Variants in CAMK4 observed in about 807,000 individuals in gnomAD.
CAMK4 encodes calcium/calmodulin dependent protein kinase IV, also known as calcium/calmodulin-dependent protein kinase type IV.
CAMK4 carries 22 observed loss-of-function variants against 44.9 expected under a neutral mutation model. The ratio of observed to expected loss-of-function variants is 0.49; its 90% confidence interval spans 0.35 to 0.70. The LOEUF is 0.70. Ranked by LOEUF, CAMK4 falls within the 30% of genes least tolerant of loss-of-function variation. The probability of loss-of-function intolerance (pLI) is 0.01; values close to 1 mark genes in which losing one functional copy is unlikely to be tolerated. For synonymous variants in CAMK4, 218 were observed against 215.4 expected, an observed-to-expected ratio of 1.01 and a Z score of -0.11; for missense variants, 498 against 586.8, an observed-to-expected ratio of 0.85 and a Z score of 1.56.
intron 1 of CAMK4, among the ~76,000 whole-genome samples, chr5:111,297,927 G>A (rs560722383): frequency 7.9e-5 from 12 of 152,262 alleles, no homozygotes; most frequent in Middle Eastern, 3.4e-3. Context: ...CAGGATTTGC[G>A]TATTTTAACA....
intron 1 of CAMK4, among the ~76,000 whole-genome samples, chr5:111,312,306 C>A (rs1443619760): frequency 2.0e-5 from 3 of 152,108 alleles, no homozygotes; most frequent in African/African-American, 4.8e-5. Context: ...CTAGAGAGAA[C>A]CAGCTTCAAG....
At chr5:111,237,505 G>A (rs930834972) in intron 1 of CAMK4, among the ~76,000 whole-genome samples, 1 of 152,122 alleles carries the variant, frequency 6.6e-6, no homozygotes, top group Non-Finnish European at 1.5e-5. Context: ...TTCTCATTTT[G>A]TGCTTTCTAA....
chr5:111,388,886 T>C (rs528290030), intron 4 of CAMK4, among the ~76,000 whole-genome samples: 1 of 152,320 alleles, frequency 6.6e-6, no homozygotes, highest in African/African-American at 2.4e-5. Context: ...TTAACTATTC[T>C]TCATATACCT....
intron 1 of CAMK4, among the ~76,000 whole-genome samples, chr5:111,245,288 CACTG>C (rs2112527801): frequency 6.6e-6 from 1 of 152,276 alleles, no homozygotes; most frequent in East Asian, 1.9e-4. Flanking sequence ...TCAGTAATTT[CACTG>C]ACTATGGTGA....
chr5:111,415,706 G>T (rs916543679), intron 5 of CAMK4, among the ~76,000 whole-genome samples: 10 of 152,144 alleles, frequency 6.6e-5, no homozygotes, highest in Non-Finnish European at 1.5e-4. Context: ...GTAGACACTT[G>T]AGCAAGAAAC....
chr5:111,345,477 T>C (rs1689535042), intron 2 of CAMK4, among the ~76,000 whole-genome samples: 4 of 152,060 alleles, frequency 2.6e-5, no homozygotes, highest in Middle Eastern at 6.8e-3. Context: ...AAATATTTAG[T>C]TTGTATGAAA....
chr5:111,298,524 G>T (rs574899567), intron 1 of CAMK4, among the ~76,000 whole-genome samples: 1 of 152,276 alleles, frequency 6.6e-6, no homozygotes, highest in African/African-American at 2.4e-5. Context: ...AGTGGAGATA[G>T]GAGTTTTGAG....
In CAMK4 at chr5:111,482,593, A is replaced by C; in HGVS notation, c.829-192A>C. 1 of 421,740 alleles carries C rather than the reference A, an allele frequency of 2.4e-6. No homozygotes were observed. Among genetic ancestry groups the C allele is most frequent in the Middle Eastern group, 6.2e-4 (1 of 1,616 alleles). 26.1% of individuals were successfully genotyped at this position (421,740 alleles called of 1,614,324 possible). ...AGGTGGTACATGGCCCTGTCTTCTC[A>C]TACTCCCTCAGCTACTGCTACCTGA... On this transcript the variant is annotated intron_variant, in intron 9 of 10. Coordinates refer to ENST00000282356, the MANE Select transcript of CAMK4 (RefSeq NM_001744.6). The surrounding 1 kb of genome is among the most constrained non-coding windows in gnomAD (Gnocchi z 4.9).
intron 9 of CAMK4, among the ~76,000 whole-genome samples, chr5:111,481,721 A>G (rs780165679): frequency 1.3e-5 from 2 of 152,204 alleles, no homozygotes; most frequent in Non-Finnish European, 2.9e-5. Context: ...ACCTGAGTCT[A>G]AATACAGGCT....
At chr5:111,242,826 C>T (rs1474323636) in intron 1 of CAMK4, among the ~76,000 whole-genome samples, 1 of 146,328 alleles carries the variant, frequency 6.8e-6, no homozygotes, top group Non-Finnish European at 1.5e-5. Context: ...AAACCGCGCC[C>T]CCTCACTCCA....
intron 1 of CAMK4, chr5:111,266,225 C>T (rs971516848): frequency 7.4e-5 from 11 of 149,534 alleles, no homozygotes; most frequent in African/African-American, 2.7e-4. Flanking sequence ...CACACACACA[C>T]ACACACACAC....
chr5:111,339,921 A>G (rs1414251884), intron 1 of CAMK4, among the ~76,000 whole-genome samples: 2 of 151,066 alleles, frequency 1.3e-5, no homozygotes, highest in East Asian at 1.9e-4. Context: ...TATAGTTTTC[A>G]GTATACAGAT....
Position 111,329,551 on chromosome 5 carries a change from A to G in CAMK4, c.162-14473A>G, listed in dbSNP as rs79302529. 7.7e-3 allele frequency among the ~76,000 whole-genome samples: 1,172 copies of G among 151,970 alleles called. 14 individuals are homozygous for G. Among genetic ancestry groups the G allele is most frequent in the African/African-American group, 0.026 (1,094 of 41,516 alleles). ...AAATAATATTATAGATTTGTCCCTC[A>G]TGGTTTTATTTTTGCATAGGTATAA... On this transcript the variant is annotated intron_variant, in intron 1 of 10. Transcript: ENST00000282356.
intron 1 of CAMK4, among the ~76,000 whole-genome samples, chr5:111,243,630 C>T (rs189619877): frequency 7.6e-4 from 116 of 152,284 alleles, no homozygotes; most frequent in African/African-American, 2.7e-3. Context: ...GCTCCAATTT[C>T]CCTCTCTGCC....
At position 111,486,993 on chromosome 5, in the gene CAMK4, A is replaced by G. The variant is rs915389394; in HGVS notation, c.*2527A>G. On this transcript the variant is annotated 3_prime_UTR_variant, in exon 11 of 11. Transcript: ENST00000282356. ...TCAAAAATGTTGGTCATTTCAGTCA[A>G]ATTATTCAAAGATTTCATATACATA... 1.3e-5 allele frequency: 2 copies of G among 152,230 alleles called. No individual in the cohort carries two copies. Among genetic ancestry groups the G allele is most frequent in the African/African-American group, 4.8e-5 (2 of 41,466 alleles). The allele number at this position is 152,230 out of a possible 1,614,324, so 9.4% of individuals were successfully genotyped here. A position where few individuals can be genotyped will look rare whatever the true frequency, so the allele number is the denominator to read the frequency against.
chr5:111,457,017 G>T (rs1402691340), intron 7 of CAMK4, among the ~76,000 whole-genome samples: 1 of 152,126 alleles, frequency 6.6e-6, no homozygotes, highest in East Asian at 1.9e-4. Flanking sequence ...CTTTTGTGCT[G>T]GGAGTTCACT....
At chr5:111,449,242 T>C (rs1203097872) in intron 7 of CAMK4, 39 bp downstream of exon 7, 2 of 910,968 alleles carry the variant, frequency 2.2e-6, no homozygotes, top group Admixed American at 2.4e-5. Context: ...TTTATTGTTA[T>C]TTGAAATGTA....
At chr5:111,303,803 C>T (rs1747836743) in intron 1 of CAMK4, among the ~76,000 whole-genome samples, 1 of 144,772 alleles carries the variant, frequency 6.9e-6, no homozygotes, top group African/African-American at 2.8e-5. Context: ...TCAGATTCAC[C>T]AAAGTTGAAA....
chr5:111,427,370 A>G (rs1753264059), intron 5 of CAMK4, among the ~76,000 whole-genome samples: 2 of 152,178 alleles, frequency 1.3e-5, no homozygotes, highest in Admixed American at 1.3e-4. Context: ...GTACTACGTC[A>G]AGGACCTTAG....
Sources: allele counts gnomAD v4.1 joint callset (sites outside exome capture counted in the v4.1 genomes callset), GRCh38; gene constraint gnomAD v4.1.1; non-coding constraint Gnocchi (gnomAD v3.1); transcripts MANE v1.5; gene names NCBI Gene and HGNC (gene_info 2026-07-23, HGNC 2026-07-21).